CCDC149: variants seen among roughly 807,000 people sequenced by gnomAD.
The protein encoded by CCDC149 is coiled-coil domain-containing protein 149.
Under a neutral mutation model 59.9 loss-of-function variants are expected in CCDC149, and 45 were observed. The ratio of observed to expected loss-of-function variants is 0.75; its 90% CI spans 0.59 to 0.96. The LOEUF (loss-of-function observed/expected upper bound fraction) is 0.96, where lower values mean the gene tolerates loss of function less well. Among genes scored for constraint, CCDC149 ranks in the 40% least tolerant of loss-of-function variants. The pLI, the probability that CCDC149 is intolerant of heterozygous loss-of-function variation, is 0.00. For synonymous variants in CCDC149, 245 were observed against 260.6 expected, an observed-to-expected ratio of 0.94 and a Z score of 0.58; for missense variants, 584 against 664.7, an observed-to-expected ratio of 0.88 and a Z score of 1.33.
rs527390023 is a variant in CCDC149, at chr4:24,890,138, C to G, written c.64-13441G>C. Among the ~76,000 whole-genome samples the G allele has an allele frequency of 1.5e-3, 232 of 152,294 alleles. No homozygotes were observed. The Middle Eastern group carries it at 0.017, about 11-fold the overall frequency. Reference sequence around the variant, plus strand: ...GACATGATGTGGGGTTTGCCACCATCTCCTACCACAGGGACCACAAGAAGC... The same window carrying G: ...GACATGATGTGGGGTTTGCCACCATGTCCTACCACAGGGACCACAAGAAGC... On this transcript the variant is annotated intron_variant, in intron 1 of 12. Transcript: ENST00000635206.
intron 1 of CCDC149, among the ~76,000 whole-genome samples, chr4:24,901,076 G>C (rs1184424166): frequency 6.6e-6 from 1 of 152,214 alleles, no homozygotes; most frequent in Non-Finnish European, 1.5e-5. Context: ...GCTGTACAGA[G>C]GATAAACTGA....
intron 1 of CCDC149, among the ~76,000 whole-genome samples, chr4:24,937,079 G>A (rs1722805627): frequency 6.6e-6 from 1 of 152,228 alleles, no homozygotes; most frequent in Admixed American, 6.5e-5. Context: ...CCAAGGCGAA[G>A]GAGAAGAGAG....
At chr4:24,948,018 G>A (rs1204160456) in intron 1 of CCDC149, among the ~76,000 whole-genome samples, 3 of 152,184 alleles carry the variant, frequency 2.0e-5, no homozygotes, top group Admixed American at 1.3e-4. Flanking sequence ...TGAAGGGATA[G>A]GGAGAGCCTT....
At chr4:24,815,754 C>T (rs1279153931) in intron 12 of CCDC149, among the ~76,000 whole-genome samples, 1 of 152,158 alleles carries the variant, frequency 6.6e-6, no homozygotes, top group Admixed American at 6.5e-5. Flanking sequence ...CGTTAGATGA[C>T]ATTCTGCTCA....
At chr4:24,943,244 T>G (rs1723002988) in intron 1 of CCDC149, among the ~76,000 whole-genome samples, 2 of 152,028 alleles carry the variant, frequency 1.3e-5, no homozygotes, top group Non-Finnish European at 2.9e-5. Context: ...ATGCCGCATA[T>G]CTACAGAAAT....
chr4:24,885,318 T>C (rs1263182634), intron 1 of CCDC149, among the ~76,000 whole-genome samples: 1 of 152,032 alleles, frequency 6.6e-6, no homozygotes, highest in Non-Finnish European at 1.5e-5. Flanking sequence ...ACAGTGTGGG[T>C]GGAATTTGCT....
chr4:24,939,786 A>G (rs1722899942), intron 1 of CCDC149, among the ~76,000 whole-genome samples: 1 of 152,222 alleles, frequency 6.6e-6, no homozygotes, highest in African/African-American at 2.4e-5. Context: ...AGTGGAAGAA[A>G]GGGTATCAGC....
intron 8 of CCDC149, 22 bp downstream of exon 8, chr4:24,834,926 C>T (rs1261553052): frequency 6.3e-7 from 1 of 1,581,126 alleles, no homozygotes; most frequent in African/African-American, 1.3e-5. Flanking sequence ...TGAGCGGTCT[C>T]TCCTGGAGCA....
At chr4:24,963,442 C>T (rs1459408873) in intron 1 of CCDC149, among the ~76,000 whole-genome samples, 1 of 152,160 alleles carries the variant, frequency 6.6e-6, no homozygotes, top group Admixed American at 6.5e-5. Context: ...AGGATTCACA[C>T]ACACACTCTC....
chr4:24,964,244 C>T (rs1400822131), intron 1 of CCDC149, among the ~76,000 whole-genome samples: 1 of 131,250 alleles, frequency 7.6e-6, no homozygotes, highest in Non-Finnish European at 1.6e-5. Context: ...TTAAAAAATA[C>T]AATAACCAAA....
chr4:24,882,516 T>A (rs1223604137), intron 1 of CCDC149, among the ~76,000 whole-genome samples: 1 of 152,198 alleles, frequency 6.6e-6, no homozygotes, highest in Non-Finnish European at 1.5e-5. Context: ...GCATGATACC[T>A]GGATAACAAA....
chr4:24,913,651 A>G (rs1237110468), upstream of CCDC149, among the ~76,000 whole-genome samples: 1 of 152,234 alleles, frequency 6.6e-6, no homozygotes, highest in African/African-American at 2.4e-5. Context: ...TGTCAAAGAC[A>G]AATTGGCACT....
At chr4:24,874,699 T>C (rs879850495) in intron 2 of CCDC149, among the ~76,000 whole-genome samples, 4 of 152,254 alleles carry the variant, frequency 2.6e-5, no homozygotes, top group Non-Finnish European at 5.9e-5. Context: ...TATCTGATGC[T>C]GTCCACATAT....
chr4:24,876,763 G>T, intron 1 of CCDC149, 66 bp from the exon 2 acceptor site: 1 of 1,457,458 alleles, frequency 6.9e-7, no homozygotes. Flanking sequence ...AACACACACC[G>T]TACTTCACAC....
At chr4:24,947,061 A>G (rs553185395) in intron 1 of CCDC149, among the ~76,000 whole-genome samples, 39 of 152,246 alleles carry the variant, frequency 2.6e-4, no homozygotes, top group Non-Finnish European at 4.9e-4. Context: ...TATTTTTGCA[A>G]TCTTTGGATA....
At chr4:24,885,884 A>G (rs889989971) in intron 1 of CCDC149, among the ~76,000 whole-genome samples, 3 of 152,224 alleles carry the variant, frequency 2.0e-5, no homozygotes, top group Non-Finnish European at 4.4e-5. Context: ...ATGCATTCTT[A>G]GGAATAATAA....
chr4:24,818,861 T>C (rs1215006413), intron 12 of CCDC149, among the ~76,000 whole-genome samples: 1 of 152,196 alleles, frequency 6.6e-6, no homozygotes, highest in East Asian at 1.9e-4. Flanking sequence ...CTGATCCTGA[T>C]ACAACATGGA....
chr4:24,925,510 C>T (rs1414394533), intron 1 of CCDC149, among the ~76,000 whole-genome samples: 1 of 152,046 alleles, frequency 6.6e-6, no homozygotes, highest in African/African-American at 2.4e-5. Context: ...TGTTTTGTTT[C>T]GTTTTATTTT....
intron 4 of CCDC149, among the ~76,000 whole-genome samples, chr4:24,845,675 T>A (rs1174951333): frequency 6.6e-6 from 1 of 152,226 alleles, no homozygotes; most frequent in African/African-American, 2.4e-5. Context: ...ATTGATATTG[T>A]TTGCTGTTAG....
Sources: allele counts gnomAD v4.1 joint callset (sites outside exome capture counted in the v4.1 genomes callset), GRCh38; gene constraint gnomAD v4.1.1; transcripts MANE v1.5; gene names NCBI Gene and HGNC (gene_info 2026-07-23, HGNC 2026-07-21).